Variants in CACNA2D1 observed in about 807,000 individuals in gnomAD.
The protein encoded by CACNA2D1 is calcium voltage-gated channel auxiliary subunit alpha2delta 1.
A neutral mutation model predicts 171.5 loss-of-function variants in CACNA2D1; 53 were observed. That is an observed-to-expected ratio of 0.31 (90% CI 0.25 to 0.39). The LOEUF is 0.39. CACNA2D1 is among the 10% of genes least tolerant of loss of function. The probability of loss-of-function intolerance (pLI) is 1.00; values close to 1 mark genes in which losing one functional copy is unlikely to be tolerated. For synonymous variants in CACNA2D1, 442 were observed against 443.1 expected (o/e 1.00, Z 0.03); for missense variants, 903 against 1,299.8 (o/e 0.69, Z 4.69).
chr7:82,264,952 G>A (rs1807621660), intron 3 of CACNA2D1, among the ~76,000 whole-genome samples: 1 of 152,116 alleles, frequency 6.6e-6, no homozygotes. Flanking sequence ...AAAAGTCACT[G>A]GGGTTCATCA....
At chr7:82,061,504 G>A (rs766788969) in intron 9 of CACNA2D1, among the ~76,000 whole-genome samples, 1 of 152,058 alleles carries the variant, frequency 6.6e-6, no homozygotes, top group African/African-American at 2.4e-5. Flanking sequence ...CATAGATACC[G>A]ACTAAATAGC....
At chr7:82,304,701 G>A (rs1813491883) in intron 3 of CACNA2D1, among the ~76,000 whole-genome samples, 1 of 152,112 alleles carries the variant, frequency 6.6e-6, no homozygotes, top group African/African-American at 2.4e-5. Flanking sequence ...CAGAGGCTAG[G>A]AATATTTTAG....
At chr7:82,351,576 G>A (rs1262995392) in intron 1 of CACNA2D1, among the ~76,000 whole-genome samples, 1 of 151,546 alleles carries the variant, frequency 6.6e-6, no homozygotes, top group African/African-American at 2.4e-5. Flanking sequence ...GTATGAACAG[G>A]ATAGAAAAAG....
Position 81,997,145 on chromosome 7 carries a change from T to G in CACNA2D1, c.1662+34A>C, listed in dbSNP as rs750018521. 3 of 1,220,982 alleles carry G rather than the reference T, an allele frequency of 2.5e-6. No individual in the cohort carries two copies. In the East Asian group the frequency reaches 7.0e-5, roughly 28 times the overall value. 75.6% of individuals were successfully genotyped at this position (1,220,982 alleles called of 1,614,324 possible). ...AATGAGTGCATACCAGCATCTGACCTGAGGAATTGTTTAGTCTTACTGATT... is the reference window on the plus strand; with the variant it reads ...AATGAGTGCATACCAGCATCTGACCGGAGGAATTGTTTAGTCTTACTGATT... On this transcript the variant is annotated intron_variant, in intron 19 of 38. Transcript: ENST00000356860.
In CACNA2D1 at chr7:82,229,031, A is replaced by C. The variant is rs193275039; in HGVS notation, c.295-58422T>G. On this transcript the variant is annotated intron_variant, in intron 3 of 38. Coordinates refer to ENST00000356860, the MANE Select transcript of CACNA2D1 (RefSeq NM_000722.4). ...ACAGAAAATCTTGGCTTTTTAAAAAATTTGGTAGCATTTAATGGGTTTTCT... is the reference window on the plus strand; with the variant it reads ...ACAGAAAATCTTGGCTTTTTAAAAACTTTGGTAGCATTTAATGGGTTTTCT... Among the ~76,000 whole-genome samples the C allele has an allele frequency of 3.9e-5, 6 of 152,312 alleles. No individual in the cohort carries two copies. The East Asian group carries it at 1.2e-3, about 29-fold the overall frequency.
At chr7:82,189,106 C>T (rs1180306412) in intron 3 of CACNA2D1, among the ~76,000 whole-genome samples, 1 of 151,948 alleles carries the variant, frequency 6.6e-6, no homozygotes, top group Non-Finnish European at 1.5e-5. Context: ...ATCTGTACAC[C>T]AAACTCCCAT....
chr7:82,245,384 A>T (rs994636822), intron 3 of CACNA2D1, among the ~76,000 whole-genome samples: 2 of 152,140 alleles, frequency 1.3e-5, no homozygotes, highest in African/African-American at 4.8e-5. Context: ...ATAATTCTTT[A>T]TTCTTGCAGA....
chr7:82,009,246 C>G (rs1799472314), intron 15 of CACNA2D1: 1 of 152,116 alleles, frequency 6.6e-6, no homozygotes, highest in Non-Finnish European at 1.5e-5. Flanking sequence ...CTGAGGCCTC[C>G]CCAGCCACAT....
chr7:82,211,915 T>C (rs1800599573), intron 3 of CACNA2D1, among the ~76,000 whole-genome samples: 1 of 152,192 alleles, frequency 6.6e-6, no homozygotes, highest in South Asian at 2.1e-4. Flanking sequence ...TAATTTTTAA[T>C]AGCATCCATT....
chr7:82,099,894 A>G (rs1475059107), intron 6 of CACNA2D1, among the ~76,000 whole-genome samples: 1 of 152,134 alleles, frequency 6.6e-6, no homozygotes, highest in Admixed American at 6.5e-5. Flanking sequence ...GTAGTTCTAC[A>G]TGGACACAGG....
intron 3 of CACNA2D1, among the ~76,000 whole-genome samples, chr7:82,201,546 T>C (rs1799436826): frequency 6.6e-6 from 1 of 152,158 alleles, no homozygotes; most frequent in Admixed American, 6.6e-5. Flanking sequence ...ACAATGTTGA[T>C]TATTCAGGTC....
At chr7:82,129,603 A>G (rs988849589) in intron 5 of CACNA2D1, among the ~76,000 whole-genome samples, 1 of 151,936 alleles carries the variant, frequency 6.6e-6, no homozygotes, top group Admixed American at 6.6e-5. Context: ...TAGATCATTG[A>G]CTCTTTCTTT....
At chr7:82,374,075 A>G in intron 1 of CACNA2D1, among the ~76,000 whole-genome samples, 1 of 152,220 alleles carries the variant, frequency 6.6e-6, no homozygotes. Flanking sequence ...CCAGACATGA[A>G]CAACATTCAA....
At chr7:82,259,179 A>G (rs1384941210) in intron 3 of CACNA2D1, among the ~76,000 whole-genome samples, 1 of 151,808 alleles carries the variant, frequency 6.6e-6, no homozygotes, top group African/African-American at 2.4e-5. Flanking sequence ...TCCTGAATAA[A>G]CAATGAGATA....
At position 82,443,695 on chromosome 7, in the gene CACNA2D1, G is replaced by A; in HGVS notation, c.-236C>T. 2 of 1,236,384 alleles carry A rather than the reference G, an allele frequency of 1.6e-6. No homozygotes were observed. The highest frequency in any genetic ancestry group is 4.2e-5 in the Admixed American group (1 of 23,680). 76.6% of individuals were successfully genotyped at this position (1,236,384 alleles called of 1,614,324 possible). ...TAGCGTGCGTCGGCTGCTCCGCGCC[G>A]CGGCCGCCTTGCCTCCGCCGCCATC... On this transcript the variant is annotated 5_prime_UTR_variant, in exon 1 of 39. Transcript: ENST00000356860.
intron 3 of CACNA2D1, among the ~76,000 whole-genome samples, chr7:82,308,232 C>A (rs1286786075): frequency 6.6e-6 from 1 of 152,308 alleles, no homozygotes; most frequent in Non-Finnish European, 1.5e-5. Context: ...TCCCTTTAAT[C>A]ATTGATTGTT....
At chr7:82,043,108 G>T (rs1218247236) in intron 10 of CACNA2D1, among the ~76,000 whole-genome samples, 1 of 152,112 alleles carries the variant, frequency 6.6e-6, no homozygotes, top group African/African-American at 2.4e-5. Flanking sequence ...ATAAAATGTT[G>T]ATCAATAATC....
intron 3 of CACNA2D1, among the ~76,000 whole-genome samples, chr7:82,264,105 C>T (rs754715802): frequency 1.3e-5 from 2 of 152,160 alleles, no homozygotes; most frequent in African/African-American, 2.4e-5. Flanking sequence ...AAAACAGACA[C>T]CCATTTCCAT....
chr7:82,426,137 A>G (rs551159448), intron 1 of CACNA2D1, among the ~76,000 whole-genome samples: 13 of 66,482 alleles, frequency 2.0e-4, no homozygotes, highest in Middle Eastern at 9.1e-3. Flanking sequence ...CTTCAAAAAT[A>G]TATAAATAAA....
Sources: gnomAD v4.1 joint callset for allele counts (sites outside exome capture counted in the v4.1 genomes callset) on GRCh38, gnomAD v4.1.1 for gene constraint, MANE v1.5 for transcripts, NCBI Gene and HGNC (gene_info 2026-07-23, HGNC 2026-07-21) for gene names.